Variants in FANCA observed in about 807,000 individuals in gnomAD.
FANCA encodes Fanconi anemia group A protein.
Under a neutral mutation model 194.3 loss-of-function variants are expected in FANCA, and 236 were observed. That is an observed-to-expected ratio of 1.21 (90% CI 1.09 to 1.35). FANCA has a LOEUF of 1.35. Ranked by LOEUF, FANCA falls within the 40% of genes most tolerant of loss-of-function variation. FANCA has a pLI of 0.00. For missense variants in FANCA, 2,628 were observed against 1,813.9 expected (o/e 1.45, Z -8.15); for synonymous variants, 1,014 against 715.8 (o/e 1.42, Z -6.65).
intron 6 of FANCA, among the ~76,000 whole-genome samples, chr16:89,807,254 C>T (rs1240307730): frequency 4.3e-5 from 6 of 140,526 alleles, no homozygotes; most frequent in Non-Finnish European, 9.0e-5. Context: ...ATCAGGAGTT[C>T]GAGACCAGCC....
At chr16:89,805,043 A>T (rs1017132814) in intron 7 of FANCA, among the ~76,000 whole-genome samples, 1 of 152,118 alleles carries the variant, frequency 6.6e-6, no homozygotes, top group Non-Finnish European at 1.5e-5. Context: ...CGGTCACTCT[A>T]TGGGAAAGGT....
intron 21 of FANCA, among the ~76,000 whole-genome samples, chr16:89,774,970 T>G (rs2039452450): frequency 6.6e-6 from 1 of 151,666 alleles, no homozygotes; most frequent in South Asian, 2.1e-4. Context: ...AGTGCGTGCC[T>G]ATAATCCCAG....
chr16:89,798,990 G>A (rs369266410), intron 10 of FANCA, 176 bp downstream of exon 10: 31 of 1,613,972 alleles, frequency 1.9e-5, no homozygotes, highest in Admixed American at 1.3e-4. Context: ...TGACCAGAGC[G>A]TTCCCCGGGC....
At chr16:89,751,183 G>A (rs2038576373) in intron 31 of FANCA, among the ~76,000 whole-genome samples, 4 of 152,004 alleles carry the variant, frequency 2.6e-5, no homozygotes, top group Middle Eastern at 3.2e-3. Context: ...ATAAGCCACC[G>A]TGCCTGGCCG....
At chr16:89,782,984 G>C (rs1014112185) in intron 16 of FANCA, 23 bp downstream of exon 16, 2 of 1,612,404 alleles carry the variant, frequency 1.2e-6, no homozygotes, top group African/African-American at 1.3e-5. Context: ...GGTGTGAGGA[G>C]TGGGCATGGA....
In FANCA at chr16:89,742,934, G is replaced by T. The variant is rs140143192; in HGVS notation, c.3631C>A (p.Leu1211Ile). 1 of 1,613,844 alleles carries T rather than the reference G, an allele frequency of 6.2e-7. No individual in the cohort carries two copies. The highest frequency in any genetic ancestry group is 8.5e-7 in the Non-Finnish European group (1 of 1,179,892). The change falls in exon 37 of 43, where the codon CTC becomes ATC. Residue 1211 changes from leucine (L) to isoleucine (I), a missense_variant. Transcript: ENST00000389301. ...GCTGGGGAGGCAGCCTCAGGGGAGA[G>T]GAAACTGGGACAGAGAGAACGGGGT... ...QEGRQFASDF[L>I]SPEAASPAPN... is the part of the protein sequence containing the mutation.
Position 89,752,518 on chromosome 16 carries a change from T to A in FANCA, c.2982-296A>T, listed in dbSNP as rs575288442. Among the ~76,000 whole-genome samples, 409 of 152,304 alleles carry A rather than the reference T, an allele frequency of 2.7e-3. 2 individuals carry two copies. Among genetic ancestry groups the A allele is most frequent in the African/African-American group, 9.3e-3 (388 of 41,554 alleles). On this transcript the variant is annotated intron_variant, in intron 30 of 42. Transcript: ENST00000389301. The stretch of plus-strand genomic sequence containing the variant: ...GAGGACACGAGCTGTTCCAGTATAA[T>A]AAAATATAAAACAAGAATAGTTATA...
At chr16:89,759,990 G>C (rs1288818170) in intron 29 of FANCA, among the ~76,000 whole-genome samples, 2 of 151,864 alleles carry the variant, frequency 1.3e-5, no homozygotes, top group African/African-American at 4.8e-5. Flanking sequence ...CGCTGTCCGG[G>C]ACCGGGGTGC....
intron 10 of FANCA, among the ~76,000 whole-genome samples, chr16:89,796,932 G>A (rs928070294): frequency 6.6e-6 from 1 of 152,108 alleles, no homozygotes; most frequent in South Asian, 2.1e-4. Flanking sequence ...GCCAAGGGGG[G>A]CAGATGACAA....
At chr16:89,799,551 G>T in intron 9 of FANCA, 54 bp downstream of exon 9, 4 of 1,520,096 alleles carry the variant, frequency 2.6e-6, no homozygotes, top group Non-Finnish European at 3.7e-6. Flanking sequence ...TGATACAATT[G>T]CTAATAAGCA....
At chr16:89,765,812 TA>T (rs34963505) in intron 27 of FANCA, among the ~76,000 whole-genome samples, 3 of 152,210 alleles carry the variant, frequency 2.0e-5, no homozygotes, top group African/African-American at 7.2e-5. Flanking sequence ...ATGTTTTCTT[TA>T]AAAACTTGGC....
intron 23 of FANCA, among the ~76,000 whole-genome samples, 167 bp from the exon 24 acceptor site, chr16:89,770,801 C>G (rs2039298111): frequency 6.6e-6 from 1 of 152,158 alleles, no homozygotes; most frequent in Non-Finnish European, 1.5e-5. Context: ...GCCCAGGGCC[C>G]CCATTCCCCA....
chr16:89,781,548 T>C (rs972214326), intron 17 of FANCA, among the ~76,000 whole-genome samples: 2 of 147,096 alleles, frequency 1.4e-5, no homozygotes, highest in East Asian at 2.0e-4. Flanking sequence ...TGGTGGCAGG[T>C]GCCTGTAGTC....
At position 89,769,755 on chromosome 16, in the gene FANCA, GTCTCT is replaced by G. The variant is rs530007580; in HGVS notation, c.2504+77_2504+81del. 1.5e-5 allele frequency: 22 copies of G among 1,499,230 alleles called. No individual in the cohort carries two copies. In the East Asian group the frequency reaches 3.1e-4, roughly 21 times the overall value. 92.9% of individuals were successfully genotyped at this position (1,499,230 alleles called of 1,614,324 possible). A position where few individuals can be genotyped will look rare whatever the true frequency, so the allele number is the denominator to read the frequency against. On this transcript the variant is annotated intron_variant, in intron 26 of 42. Transcript: ENST00000389301. ...CTTTGGGTGGTATGTCTGCATGTCT[GTCTCT>G]TCTAATTTTATCAAACGAGCATGTG...
At chr16:89,777,306 CAGG>C (rs376383548) in intron 20 of FANCA, among the ~76,000 whole-genome samples, 6 of 152,108 alleles carry the variant, frequency 3.9e-5, no homozygotes, top group African/African-American at 1.4e-4. Context: ...TGTTGAAGCC[CAGG>C]AGGTCAAGGC....
chr16:89,814,147 A>C (rs1213831607), intron 3 of FANCA, among the ~76,000 whole-genome samples: 2 of 152,094 alleles, frequency 1.3e-5, no homozygotes, highest in East Asian at 3.9e-4. Context: ...TCCCACTCTC[A>C]AACTGGGGGG....
At chr16:89,796,817 T>C (rs2040263579) in intron 10 of FANCA, among the ~76,000 whole-genome samples, 2 of 151,402 alleles carry the variant, frequency 1.3e-5, no homozygotes, top group Non-Finnish European at 2.9e-5. Flanking sequence ...GGTCAGGAGA[T>C]CAAGACTACC....
chr16:89,738,794 T>G (rs562917320), intron 42 of FANCA, 86 bp from the exon 43 acceptor site: 27 of 1,613,432 alleles, frequency 1.7e-5, no homozygotes, highest in Non-Finnish European at 2.1e-5. Context: ...ATAGTCGAGT[T>G]GTATTGCCAG....
chr16:89,741,445 G>A (rs1358005491), intron 37 of FANCA, among the ~76,000 whole-genome samples: 2 of 152,272 alleles, frequency 1.3e-5, no homozygotes, highest in African/African-American at 4.8e-5. Context: ...TGTAAGTTGT[G>A]TGCTGACATG....
Sources: gnomAD v4.1 joint callset for allele counts (sites outside exome capture counted in the v4.1 genomes callset) on GRCh38, gnomAD v4.1.1 for gene constraint, MANE v1.5 for transcripts, NCBI Gene and HGNC (gene_info 2026-07-23, HGNC 2026-07-21) for gene names.